DDIAS: variants seen among roughly 807,000 people sequenced by gnomAD.
DDIAS encodes DNA damage induced apoptosis suppressor.
A neutral mutation model predicts 15.7 loss-of-function variants in DDIAS; 14 were observed. The observed-to-expected ratio is 0.89, with a 90% confidence interval of 0.59 to 1.39. The LOEUF is 1.39. DDIAS is among the 40% of genes most tolerant of loss of function. The pLI is 0.00. For synonymous variants in DDIAS, 355 were observed against 395.9 expected (o/e 0.90, Z 1.23); for missense variants, 1,035 against 1,130.9 (o/e 0.92, Z 1.22).
intron 3 of DDIAS, among the ~76,000 whole-genome samples, chr11:82,923,739 A>G (rs777600295): frequency 1.3e-5 from 2 of 152,156 alleles, no homozygotes; most frequent in Non-Finnish European, 2.9e-5. Flanking sequence ...TCTCATCCTT[A>G]TATTAGTGTT....
Position 82,931,828 on chromosome 11 carries a change from C to T in DDIAS, c.490C>T (p.Gln164Ter), listed in dbSNP as rs1860992785. The T allele has an allele frequency of 2.5e-6, 4 of 1,614,202 alleles. No homozygotes were observed. Among genetic ancestry groups the T allele is most frequent in the Non-Finnish European group, 3.4e-6 (4 of 1,180,026 alleles). The change falls in exon 6 of 6, where the codon CAG becomes TAG. Residue 164 changes from glutamine to a stop codon, truncating the protein, a stop_gained. Coordinates refer to ENST00000533655, the MANE Select transcript of DDIAS (RefSeq NM_145018.4). LOFTEE classifies it low-confidence loss of function (END_TRUNC). ...AAAAGCCAAAGCACTAGTGGCTTGC[C>T]AGATTGTTCTACCAGACCCAGGTAT... ...KRKAKALVAC[Q>*]IVLPDPGIAG...
chr11:82,915,354 C>T (rs1033929758), intron 3 of DDIAS, among the ~76,000 whole-genome samples: 10 of 152,142 alleles, frequency 6.6e-5, no homozygotes, highest in Admixed American at 6.5e-4. Context: ...TAAGGTCTTC[C>T]TCTGATCTTT....
rs1368490921 is a variant in DDIAS at position 82,932,924 on chromosome 11, T to C, written c.1586T>C (p.Met529Thr). The C allele has an allele frequency of 4.3e-6, 7 of 1,611,980 alleles. No homozygotes were observed. The highest frequency in any genetic ancestry group is 1.7e-5 in the Admixed American group (1 of 59,874). ...AVSVNHNGRD[M>T]SEYFLPNPYL... ...TCTGTAAATCATAATGGAAGAGATA[T>C]GTCAGAATATTTTTTACCGAATCCT... is the stretch of plus-strand genomic sequence containing the variant. Residue 529 changes from methionine to threonine, a missense_variant, in exon 6 of 6, where the codon ATG becomes ACG. Transcript: ENST00000533655.
At chr11:82,910,148 T>A (rs1294747609) in intron 1 of DDIAS, among the ~76,000 whole-genome samples, 1 of 152,246 alleles carries the variant, frequency 6.6e-6, no homozygotes, top group Non-Finnish European at 1.5e-5. Context: ...TTGCCATGTG[T>A]TTAAAAATGA....
chr11:82,918,893 A>G (rs1272086630), intron 3 of DDIAS, among the ~76,000 whole-genome samples: 1 of 151,980 alleles, frequency 6.6e-6, no homozygotes, highest in Non-Finnish European at 1.5e-5. Flanking sequence ...TTGACTCTCC[A>G]CTTGGTTGCT....
At chr11:82,924,055 G>T (rs1860808645) in intron 3 of DDIAS, among the ~76,000 whole-genome samples, 1 of 152,160 alleles carries the variant, frequency 6.6e-6, no homozygotes, top group African/African-American at 2.4e-5. Flanking sequence ...CTTAAAATAG[G>T]ACTCATCGCT....
chr11:82,923,594 T>C (rs578023836), intron 3 of DDIAS, among the ~76,000 whole-genome samples: 1 of 152,314 alleles, frequency 6.6e-6, no homozygotes, highest in East Asian at 1.9e-4. Context: ...TTTCAATCTA[T>C]AGGTATTCTG....
intron 5 of DDIAS, among the ~76,000 whole-genome samples, chr11:82,931,349 T>C (rs1369064094): frequency 6.6e-6 from 1 of 152,134 alleles, no homozygotes; most frequent in East Asian, 1.9e-4. Context: ...CTTTTAAATC[T>C]GTTTATTTTA....
At chr11:82,927,595 T>C (rs1590810243) in intron 3 of DDIAS, among the ~76,000 whole-genome samples, 1 of 151,600 alleles carries the variant, frequency 6.6e-6, no homozygotes, top group East Asian at 1.9e-4. Context: ...GTATTAGCCA[T>C]TACCATAAAA....
At chr11:82,925,442 T>A (rs1324878658) in intron 3 of DDIAS, among the ~76,000 whole-genome samples, 1 of 151,786 alleles carries the variant, frequency 6.6e-6, no homozygotes, top group Non-Finnish European at 1.5e-5. Flanking sequence ...TACAAAAAAA[T>A]TTAAAATTAG....
chr11:82,919,131 T>C (rs1043534007), intron 3 of DDIAS, among the ~76,000 whole-genome samples: 1 of 152,208 alleles, frequency 6.6e-6, no homozygotes, highest in Admixed American at 6.5e-5. Flanking sequence ...TCCAGTAGTA[T>C]GTTGAAGAAG....
At position 82,934,185 on chromosome 11, in the gene DDIAS, A is replaced by T; in HGVS notation, c.2847A>T (p.Pro949=). ...CKSSGWISKC[P]DIQVLAAPQL... ...GTTCAGGCTGGATTTCCAAATGTCC[A>T]GACATTCAAGTCTTAGCAGCACCTC... is the stretch of plus-strand genomic sequence containing the variant. The change falls in exon 6 of 6, where the codon CCA becomes CCT. Residue 949 remains proline, a synonymous_variant. Transcript: ENST00000533655. The T allele has an allele frequency of 6.2e-7, 1 of 1,614,098 alleles. No individual in the cohort carries two copies. The highest frequency in any genetic ancestry group is 1.3e-5 in the African/African-American group (1 of 75,070).
intron 1 of DDIAS, among the ~76,000 whole-genome samples, chr11:82,906,673 T>G (rs1860437600): frequency 6.6e-6 from 1 of 152,148 alleles, no homozygotes; most frequent in Admixed American, 6.5e-5. Context: ...AAATTCTGTT[T>G]TAGAGCCCTA....
intron 1 of DDIAS, among the ~76,000 whole-genome samples, 199 bp from the exon 2 acceptor site, chr11:82,913,088 T>C (rs1352261539): frequency 6.6e-6 from 1 of 152,164 alleles, no homozygotes; most frequent in Non-Finnish European, 1.5e-5. Flanking sequence ...TGAAATATTG[T>C]GAGAATTACC....
At chr11:82,925,306 G>A (rs1860836561) in intron 3 of DDIAS, among the ~76,000 whole-genome samples, 1 of 152,154 alleles carries the variant, frequency 6.6e-6, no homozygotes, top group Admixed American at 6.5e-5. Flanking sequence ...TATGAGAAAT[G>A]TAGATAGAAG....
intron 1 of DDIAS, among the ~76,000 whole-genome samples, chr11:82,907,883 A>C (rs1462953485): frequency 6.6e-6 from 1 of 152,200 alleles, no homozygotes; most frequent in African/African-American, 2.4e-5. Context: ...TGTACTGAGC[A>C]CTGTTCTAAG....
Position 82,932,085 on chromosome 11 carries a change from T to G in DDIAS, c.747T>G (p.Val249=), listed in dbSNP as rs776318660. 5.0e-6 allele frequency: 8 copies of G among 1,614,050 alleles called. No homozygotes were observed. The highest frequency in any genetic ancestry group is 6.8e-6 in the Non-Finnish European group (8 of 1,180,014). The change falls in exon 6 of 6, where the codon GTT becomes GTG. Residue 249 remains valine (V), a synonymous_variant. Transcript: ENST00000533655. The part of the protein sequence containing the change: ...WQPSLEFTCI[V]SQLTDNDDFS... ...CATCACTTGAATTCACTTGCATTGTTTCACAACTAACAGATAATGATGATT... is the reference window on the plus strand; with the variant it reads ...CATCACTTGAATTCACTTGCATTGTGTCACAACTAACAGATAATGATGATT...
intron 3 of DDIAS, among the ~76,000 whole-genome samples, chr11:82,921,483 T>A (rs1370746872): frequency 3.3e-5 from 5 of 152,012 alleles, no homozygotes; most frequent in Non-Finnish European, 7.4e-5. Flanking sequence ...CCTTCATGAT[T>A]TATGCTTTTA....
chr11:82,919,812 A>G (rs1003153520), intron 3 of DDIAS, among the ~76,000 whole-genome samples: 1 of 152,108 alleles, frequency 6.6e-6, no homozygotes, highest in Non-Finnish European at 1.5e-5. Context: ...GCGCACTGCA[A>G]GCTCTACCTC....
Sources: allele counts gnomAD v4.1 joint callset (sites outside exome capture counted in the v4.1 genomes callset), GRCh38; gene constraint gnomAD v4.1.1; transcripts MANE v1.5; gene names NCBI Gene and HGNC (gene_info 2026-07-23, HGNC 2026-07-21).